EP400: variants seen among roughly 807,000 people sequenced by gnomAD.
EP400 encodes E1A binding protein p400.
EP400 carries 105 observed loss-of-function variants against 354.1 expected under a neutral mutation model. The ratio of observed to expected loss-of-function variants is 0.30; its 90% CI spans 0.25 to 0.35. The LOEUF (loss-of-function observed/expected upper bound fraction) is 0.35, where lower values mean the gene tolerates loss of function less well. Ranked by LOEUF, EP400 falls within the 10% of genes least tolerant of loss-of-function variation. The pLI, the probability that EP400 is intolerant of heterozygous loss-of-function variation, is 1.00. For synonymous variants in EP400, 1,646 were observed against 1,716.9 expected, an observed-to-expected ratio of 0.96 and a Z score of 1.02; for missense variants, 3,280 against 4,121.0, an observed-to-expected ratio of 0.80 and a Z score of 5.59.
At position 131,982,468 on chromosome 12, in the gene EP400, C is replaced by T. The variant is rs1195238055; in HGVS notation, c.1919C>T (p.Ser640Phe). The change falls in exon 5 of 53, where the codon TCC becomes TTC. Residue 640 changes from serine (S) to phenylalanine (F), a missense_variant. Around this residue, in one of 20 missense-constraint regions of EP400, gnomAD observed 800 missense variants for 840.0 expected, o/e 0.95. Transcript: ENST00000389561. ...KVQVQASQLS[S>F]LPQMVASTRL... The stretch of plus-strand genomic sequence containing the variant: ...CAGGTGCAGGCCTCTCAGCTTTCCT[C>T]CCTGCCACAGGTATGAGAAAAGATA... The T allele has an allele frequency of 1.9e-6, 3 of 1,603,832 alleles. No individual in the cohort carries two copies. The highest frequency in any genetic ancestry group is 2.6e-6 in the Non-Finnish European group (3 of 1,172,594).
At chr12:132,074,391 G>T (rs1450948075) in intron 51 of EP400, among the ~76,000 whole-genome samples, 1 of 151,462 alleles carries the variant, frequency 6.6e-6, no homozygotes, top group East Asian at 1.9e-4. Context: ...GTTGTTTTGG[G>T]TCACCTCTCT....
At chr12:132,069,333 GGATGGGACAGGGGGCAGGA>G in intron 50 of EP400, 143 bp from the exon 51 acceptor site, 5 of 979,292 alleles carry the variant, frequency 5.1e-6, no homozygotes, top group African/African-American at 1.6e-5. Context: ...GCAGCGGCAG[GGATGGGACAGGGGGCAGGA>G]GATGTGGGTA....
chr12:131,971,732 C>T (rs1164843347), intron 2 of EP400, among the ~76,000 whole-genome samples: 1 of 151,714 alleles, frequency 6.6e-6, no homozygotes. Flanking sequence ...TCTCAAGAGC[C>T]AAAATGTTTA....
At position 131,984,869 on chromosome 12, in the gene EP400, T is replaced by G. The variant is rs543957373; in HGVS notation, c.1930-1645T>G. ...ATGCGCCACCACGCCCTACTAGGTTTTTTTTTTTTCCAGCAGAGAAATGAT... is the reference window on the plus strand; with the variant it reads ...ATGCGCCACCACGCCCTACTAGGTTGTTTTTTTTTCCAGCAGAGAAATGAT... On this transcript the variant is annotated intron_variant, in intron 5 of 52. Transcript: ENST00000389561. 2.8e-4 allele frequency among the ~76,000 whole-genome samples: 42 copies of G among 152,088 alleles called. No homozygotes were observed. In the East Asian group the frequency reaches 6.0e-3, roughly 22 times the overall value.
intron 30 of EP400, among the ~76,000 whole-genome samples, chr12:132,035,987 C>A (rs1166176465): frequency 6.9e-6 from 1 of 144,050 alleles, no homozygotes; most frequent in Non-Finnish European, 1.5e-5. Flanking sequence ...CAGGTTCACA[C>A]GGAACGTCAT....
At chr12:131,993,780 A>G (rs1893119188) in intron 11 of EP400, among the ~76,000 whole-genome samples, 1 of 152,236 alleles carries the variant, frequency 6.6e-6, no homozygotes, top group Non-Finnish European at 1.5e-5. Context: ...ATATCTTGAC[A>G]CAGGAAAGGT....
Position 132,029,486 on chromosome 12 carries a change from C to G in EP400, c.5382-215C>G. On this transcript the variant is annotated intron_variant, in intron 27 of 52. Transcript: ENST00000389561. The surrounding 1 kb of genome is among the most constrained non-coding windows in gnomAD (Gnocchi z 4.7). ...TCAGCCCTGGACTGTCTGAATTAGT[C>G]CCCGAGGTGGTGGTTATTGGCCAGG... 1.7e-6 allele frequency: 1 copy of G among 601,028 alleles called. No homozygotes were observed. The highest frequency in any genetic ancestry group is 3.0e-5 in the Admixed American group (1 of 33,834). The allele number at this position is 601,028 out of a possible 1,614,324, so 37.2% of individuals were successfully genotyped here. A position where few individuals can be genotyped will look rare whatever the true frequency, so the allele number is the denominator to read the frequency against.
At chr12:131,989,497 G>A (rs1421042051) in intron 7 of EP400, among the ~76,000 whole-genome samples, 1 of 152,222 alleles carries the variant, frequency 6.6e-6, no homozygotes, top group African/African-American at 2.4e-5. Context: ...ACCCATTTGA[G>A]GTTCTGTTGG....
At chr12:131,967,946 A>T (rs911077628) in intron 2 of EP400, among the ~76,000 whole-genome samples, 3 of 152,024 alleles carry the variant, frequency 2.0e-5, no homozygotes, top group Non-Finnish European at 4.4e-5. Flanking sequence ...TTCATGTCTC[A>T]CCCATTTTTT....
Position 132,013,115 on chromosome 12 carries a change from A to G in EP400, c.3548A>G (p.Asp1183Gly), listed in dbSNP as rs922809877. ...TRVRWKCLVI[D>G]EMQRVKGMTE... ...GTGCGCTGGAAGTGCCTGGTCATTG[A>G]TGAGATGCAGCGCGTGAAGGGCATG... Residue 1183 changes from aspartate (D) to glycine (G), a missense_variant, in exon 17 of 53, where the codon GAT (aspartate) becomes GGT (glycine). Asp to Gly is a moderately conservative substitution (Grantham distance 94). Around this residue, in one of 20 missense-constraint regions of EP400, gnomAD observed 242 missense variants for 357.9 expected, o/e 0.68. Coordinates refer to ENST00000389561, the MANE Select transcript of EP400 (RefSeq NM_015409.5). This position sits in a 1 kb window ranked among gnomAD's most constrained non-coding sequence, Gnocchi z 4.5. 6.2e-7 allele frequency: 1 copy of G among 1,614,002 alleles called. No homozygotes were observed. The highest frequency in any genetic ancestry group is 1.3e-5 in the African/African-American group (1 of 74,928).
At chr12:132,028,643 A>G (rs1173355751) in intron 27 of EP400, among the ~76,000 whole-genome samples, 1 of 152,232 alleles carries the variant, frequency 6.6e-6, no homozygotes, top group Non-Finnish European at 1.5e-5. Flanking sequence ...GTGAGTGAAC[A>G]TTACATGATG....
At position 132,066,872 on chromosome 12, in the gene EP400, C is replaced by T. The variant is rs755315336; in HGVS notation, c.8652C>T (p.Ser2884=). The part of the protein sequence containing the change: ...QVALAKPPVV[S]VPAAVVSSPG... ...CCTTGGCGAAGCCTCCGGTGGTGTCCGTCCCGGCAGCTGTGGTCTCCTCAC... is the reference window on the plus strand; with the variant it reads ...CCTTGGCGAAGCCTCCGGTGGTGTCTGTCCCGGCAGCTGTGGTCTCCTCAC... Residue 2884 remains serine, a synonymous_variant, in exon 49 of 53, where the codon TCC becomes TCT. Transcript: ENST00000389561. 15 of 1,613,920 alleles carry T rather than the reference C, an allele frequency of 9.3e-6. No homozygotes were observed. Among genetic ancestry groups the T allele is most frequent in the East Asian group, 2.2e-5 (1 of 44,856 alleles).
chr12:132,021,326 GTGGCC>G lies in EP400; in HGVS notation c.4690+7_4690+11del. On this transcript the variant is annotated splice_donor_region_variant and intron_variant, in intron 23 of 52. Coordinates refer to ENST00000389561, the MANE Select transcript of EP400 (RefSeq NM_015409.5). ...AGGCCCAGGCCCGCTTGCCCAGTAA[GTGGCC>G]TCACCTTTCCAGGTTTCTGCCATCT... 1.3e-6 allele frequency: 2 copies of G among 1,513,296 alleles called. No individual in the cohort carries two copies. Among genetic ancestry groups the G allele is most frequent in the Non-Finnish European group, 1.8e-6 (2 of 1,138,044 alleles). The allele number at this position is 1,513,296 out of a possible 1,614,324, so 93.7% of individuals were successfully genotyped here. A position where few individuals can be genotyped will look rare whatever the true frequency, so the allele number is the denominator to read the frequency against.
rs545409299 is a variant in EP400, at chr12:131,977,627, G to GCC, written c.1336-2064_1336-2063dup. ...CACAAATCATGTCACCTGTAATGCTGCCCCAGAGGTAACCACTGCCAGGCC... is the reference window on the plus strand; with the variant it reads ...CACAAATCATGTCACCTGTAATGCTGCCCCCCAGAGGTAACCACTGCCAGGCC... On this transcript the variant is annotated intron_variant, in intron 2 of 52. Transcript: ENST00000389561. Among the ~76,000 whole-genome samples, 22 of 151,946 alleles carry GCC rather than the reference G, an allele frequency of 1.4e-4. No individual in the cohort carries two copies. The East Asian group carries it at 4.1e-3, about 28-fold the overall frequency.
chr12:132,012,546 A>G (rs1333545448), intron 16 of EP400, among the ~76,000 whole-genome samples: 1 of 152,210 alleles, frequency 6.6e-6, no homozygotes, highest in Non-Finnish European at 1.5e-5. Flanking sequence ...TGGGCATTAG[A>G]TTTCAACATG....
intron 6 of EP400, 88 bp from the exon 7 acceptor site, chr12:131,987,617 A>T: frequency 8.3e-7 from 1 of 1,201,826 alleles, no homozygotes; most frequent in South Asian, 1.7e-5. Context: ...AGCCTTTTGC[A>T]TAGTAGGGCT....
At chr12:132,049,226 C>T (rs751354385) in intron 39 of EP400, among the ~76,000 whole-genome samples, 1 of 152,254 alleles carries the variant, frequency 6.6e-6, no homozygotes, top group African/African-American at 2.4e-5. Flanking sequence ...AGTTCCATTA[C>T]CAGACACACG....
intron 1 of EP400, among the ~76,000 whole-genome samples, chr12:131,955,133 T>TA (rs1248863612): frequency 2.6e-5 from 4 of 152,242 alleles, no homozygotes; most frequent in Non-Finnish European, 5.9e-5. Flanking sequence ...TCCATTAGGA[T>TA]ACCTGTACTA....
At position 132,052,041 on chromosome 12, in the gene EP400, C is replaced by G. The variant is rs1189295854; in HGVS notation, c.7395-1105C>G. Among the ~76,000 whole-genome samples, 3 of 152,124 alleles carry G rather than the reference C, an allele frequency of 2.0e-5. No individual in the cohort carries two copies. The highest frequency in any genetic ancestry group is 4.1e-4 in the South Asian group (2 of 4,826). Reference sequence around the variant, plus strand: ...CCTCTCAGCTCCTATCTCTGTATGGCCTGGCTTTTCCTAGGTTATGATTAT... The same window carrying G: ...CCTCTCAGCTCCTATCTCTGTATGGGCTGGCTTTTCCTAGGTTATGATTAT... On this transcript the variant is annotated intron_variant, in intron 41 of 52. Coordinates refer to ENST00000389561, the MANE Select transcript of EP400 (RefSeq NM_015409.5). This position sits in a 1 kb window ranked among gnomAD's most constrained non-coding sequence, Gnocchi z 4.4.
Sources: gnomAD v4.1 joint callset for allele counts (sites outside exome capture counted in the v4.1 genomes callset) on GRCh38, gnomAD v4.1.1 for gene constraint, gnomAD v4.1.1 regional missense constraint, Gnocchi (gnomAD v3.1) non-coding constraint, MANE v1.5 for transcripts, NCBI Gene and HGNC (gene_info 2026-07-23, HGNC 2026-07-21) for gene names.